Variants in TMTC2 observed in about 807,000 individuals in gnomAD.
TMTC2 encodes protein O-mannosyl-transferase TMTC2.
A neutral mutation model predicts 82.4 loss-of-function variants in TMTC2; 43 were observed. The ratio of observed to expected loss-of-function variants is 0.52; its 90% CI spans 0.41 to 0.67. TMTC2 has a LOEUF of 0.67. Among genes scored for constraint, TMTC2 ranks in the 30% least tolerant of loss-of-function variants. The probability of loss-of-function intolerance (pLI) is 0.00; values close to 1 mark genes in which losing one functional copy is unlikely to be tolerated. For synonymous variants in TMTC2, 408 were observed against 381.9 expected (o/e 1.07, Z -0.80); for missense variants, 919 against 1,012.4 (o/e 0.91, Z 1.25).
chr12:82,965,775 T>C (rs760424347), intron 6 of TMTC2, 31 bp downstream of exon 6: 1 of 1,609,872 alleles, frequency 6.2e-7, no homozygotes, highest in Non-Finnish European at 8.5e-7. Context: ...TCCTTTTCCC[T>C]CCCCCTTGTT....
At chr12:82,900,621 G>T (rs181374628) in intron 3 of TMTC2, among the ~76,000 whole-genome samples, 4 of 133,068 alleles carry the variant, frequency 3.0e-5, no homozygotes, top group Non-Finnish European at 4.7e-5. Flanking sequence ...AATATATATA[G>T]AGAGGAATAT....
chr12:82,720,764 C>T (rs1022269580), intron 1 of TMTC2, among the ~76,000 whole-genome samples: 2 of 152,156 alleles, frequency 1.3e-5, no homozygotes, highest in Admixed American at 1.3e-4. Context: ...GAAATGCTAT[C>T]TCGTTGTTTT....
At chr12:82,700,781 A>G (rs1423224533) in intron 1 of TMTC2, among the ~76,000 whole-genome samples, 1 of 152,176 alleles carries the variant, frequency 6.6e-6, no homozygotes, top group Non-Finnish European at 1.5e-5. Context: ...GTATTAGTCC[A>G]TTTTCATGGT....
intron 6 of TMTC2, among the ~76,000 whole-genome samples, 163 bp from the exon 7 acceptor site, chr12:82,966,756 G>A (rs1878230542): frequency 6.6e-6 from 1 of 152,162 alleles, no homozygotes; most frequent in African/African-American, 2.4e-5. Flanking sequence ...GTGGAATTGA[G>A]ATAGTATGCC....
chr12:83,048,796 G>C (rs423977), intron 9 of TMTC2, among the ~76,000 whole-genome samples: 2 of 152,170 alleles, frequency 1.3e-5, no homozygotes, highest in South Asian at 4.1e-4. Context: ...GGACACCCTA[G>C]TAGCTGGGAC....
In TMTC2 at chr12:82,967,036, G is replaced by A. The variant is rs756524429; in HGVS notation, c.1948+39G>A. 8 of 1,494,416 alleles carry A rather than the reference G, an allele frequency of 5.4e-6. No individual in the cohort carries two copies. In the Admixed American group the frequency reaches 1.4e-4, roughly 27 times the overall value. 92.6% of individuals were successfully genotyped at this position (1,494,416 alleles called of 1,614,324 possible). ...TAACACTTTTAAATTGATATTTCAG[G>A]GACCTGTGGAGAAACAGGAACCCAT... On this transcript the variant is annotated intron_variant, in intron 7 of 11. Transcript: ENST00000321196.
chr12:82,856,899 C>A, intron 1 of TMTC2, 111 bp from the exon 2 acceptor site: 1 of 1,079,222 alleles, frequency 9.3e-7, no homozygotes, highest in Non-Finnish European at 1.3e-6. Flanking sequence ...AATCCCATCA[C>A]AAAGCTACAT....
chr12:82,886,278 C>T (rs1294834384), intron 2 of TMTC2, among the ~76,000 whole-genome samples: 1 of 152,154 alleles, frequency 6.6e-6, no homozygotes, highest in Non-Finnish European at 1.5e-5. Flanking sequence ...AAAATCAATC[C>T]ATTTATCCAA....
At chr12:82,806,647 A>G (rs1177488075) in intron 1 of TMTC2, among the ~76,000 whole-genome samples, 2 of 152,290 alleles carry the variant, frequency 1.3e-5, no homozygotes, top group East Asian at 3.9e-4. Flanking sequence ...TATGTATTAT[A>G]TACTGTTTTC....
chr12:83,124,409 G>A (rs751752260), intron 11 of TMTC2, among the ~76,000 whole-genome samples: 4 of 152,046 alleles, frequency 2.6e-5, no homozygotes, highest in Non-Finnish European at 4.4e-5. Context: ...AAGACAATTA[G>A]GATAAATTCA....
At chr12:83,101,826 A>T (rs1455109397) in intron 11 of TMTC2, among the ~76,000 whole-genome samples, 1 of 152,242 alleles carries the variant, frequency 6.6e-6, no homozygotes, top group Non-Finnish European at 1.5e-5. Context: ...ATACCTGTCA[A>T]ATAATTAATG....
rs116033912 is a variant in TMTC2 at position 82,869,743 on chromosome 12, G to A, written c.654+12163G>A. Among the ~76,000 whole-genome samples, 363 of 151,896 alleles carry A rather than the reference G, an allele frequency of 2.4e-3. 1 individual carries two copies. The highest frequency in any genetic ancestry group is 8.2e-3 in the African/African-American group (340 of 41,404). Reference sequence around the variant, plus strand: ...AATTCCAGCTACTTGAAAGGCTGAGGCAGGAGGATCACTTCAGTCCAGGAA... The same window carrying A: ...AATTCCAGCTACTTGAAAGGCTGAGACAGGAGGATCACTTCAGTCCAGGAA... On this transcript the variant is annotated intron_variant, in intron 2 of 11. Transcript: ENST00000321196.
intron 3 of TMTC2, 93 bp downstream of exon 3, chr12:82,896,739 G>A (rs1873710224): frequency 1.0e-6 from 1 of 1,004,178 alleles, no homozygotes; most frequent in South Asian, 1.8e-5. Context: ...TATTAAGGAG[G>A]AAGAGGTCCT....
chr12:83,054,982 C>G (rs1176899895), intron 10 of TMTC2, among the ~76,000 whole-genome samples: 1 of 152,034 alleles, frequency 6.6e-6, no homozygotes, highest in Non-Finnish European at 1.5e-5. Flanking sequence ...CCTACAGACT[C>G]TACCAGTGGG....
At chr12:82,988,583 G>A (rs766354643) in intron 8 of TMTC2, among the ~76,000 whole-genome samples, 95 of 151,974 alleles carry the variant, frequency 6.3e-4, no homozygotes, top group Non-Finnish European at 9.4e-4. Flanking sequence ...AGAATGAGGA[G>A]GGGAGTGAAA....
intron 11 of TMTC2, among the ~76,000 whole-genome samples, chr12:83,114,449 T>G (rs565120777): frequency 6.6e-6 from 1 of 152,248 alleles, no homozygotes; most frequent in Admixed American, 6.5e-5. Context: ...CCACCCAGTT[T>G]TGAATCTCTG....
intron 4 of TMTC2, among the ~76,000 whole-genome samples, chr12:82,937,605 GAGAT>G (rs1422989232): frequency 6.6e-6 from 1 of 151,872 alleles, no homozygotes; most frequent in Non-Finnish European, 1.5e-5. Flanking sequence ...CAGTGTAAAA[GAGAT>G]AGGGCCCAGC....
chr12:82,779,023 C>T (rs377135592), intron 1 of TMTC2, among the ~76,000 whole-genome samples: 6 of 135,442 alleles, frequency 4.4e-5, no homozygotes, highest in Non-Finnish European at 6.1e-5. Flanking sequence ...GGCGACAGAG[C>T]GAGACTCCAT....
chr12:82,687,485 TG>T lies in TMTC2; in HGVS notation c.-99del. ...TGGGGAAGCGAGGGAAAAGTGAAGCTGGGAGGAGAAGGCGGCGGAAGGTGGA... is the reference window on the plus strand; with the variant it reads ...TGGGGAAGCGAGGGAAAAGTGAAGCTGGAGGAGAAGGCGGCGGAAGGTGGA... On this transcript the variant is annotated 5_prime_UTR_variant, in exon 1 of 12. Coordinates refer to ENST00000321196, the MANE Select transcript of TMTC2 (RefSeq NM_152588.3). 2 of 1,133,924 alleles carry T rather than the reference TG, an allele frequency of 1.8e-6. No individual in the cohort carries two copies. Among genetic ancestry groups the T allele is most frequent in the Non-Finnish European group, 2.6e-6 (2 of 780,770 alleles). 70.2% of individuals were successfully genotyped at this position (1,133,924 alleles called of 1,614,324 possible). A position where few individuals can be genotyped will look rare whatever the true frequency, so the allele number is the denominator to read the frequency against.
Sources: gnomAD v4.1 joint callset for allele counts (sites outside exome capture counted in the v4.1 genomes callset) on GRCh38, gnomAD v4.1.1 for gene constraint, MANE v1.5 for transcripts, NCBI Gene and HGNC (gene_info 2026-07-23, HGNC 2026-07-21) for gene names.